Variants in C17orf107 observed in about 807,000 individuals in gnomAD.
C17orf107 encodes the protein uncharacterized protein C17orf107.
C17orf107 carries 9 observed loss-of-function variants against 8.9 expected under a neutral mutation model. That is an observed-to-expected ratio of 1.02 (90% CI 0.61 to 1.77). The LOEUF (loss-of-function observed/expected upper bound fraction) is 1.77, where lower values mean the gene tolerates loss of function less well. Among genes scored for constraint, C17orf107 ranks in the 40% most tolerant of loss-of-function variants. C17orf107 has a pLI of 0.00. For synonymous variants in C17orf107, 139 were observed against 120.3 expected, an observed-to-expected ratio of 1.16 and a Z score of -1.02; for missense variants, 281 against 249.0, an observed-to-expected ratio of 1.13 and a Z score of -0.86.
At position 4,900,470 on chromosome 17, in the gene C17orf107, G is replaced by A. The variant is rs184464124; in HGVS notation, c.510G>A (p.Ser170=). The change falls in exon 3 of 3, where the codon TCG becomes TCA. Residue 170 remains serine, a synonymous_variant. Coordinates refer to ENST00000381365, the MANE Select transcript of C17orf107 (RefSeq NM_001145536.2). ...GGTCTGCCTCATTCCTGCGACAGTCGCAACAGCAGCTAGGCCTCGGAATCC... is the reference window on the plus strand; with the variant it reads ...GGTCTGCCTCATTCCTGCGACAGTCACAACAGCAGCTAGGCCTCGGAATCC... The part of the protein sequence containing the change: ...LQGSASFLRQ[S]QQQLGLGIPG... The A allele has an allele frequency of 1.3e-5, 20 of 1,550,990 alleles. No individual in the cohort carries two copies. The highest frequency in any genetic ancestry group is 2.0e-5 in the Admixed American group (1 of 50,996).
chr17:4,900,667 C>CCA lies in C17orf107; in HGVS notation c.*136_*137dup. 6.9e-7 allele frequency: 1 copy of CCA among 1,441,624 alleles called. No homozygotes were observed. Among genetic ancestry groups the CCA allele is most frequent in the Non-Finnish European group, 9.5e-7 (1 of 1,056,140 alleles). 89.3% of individuals were successfully genotyped at this position (1,441,624 alleles called of 1,614,324 possible). On this transcript the variant is annotated 3_prime_UTR_variant, in exon 3 of 3. Coordinates refer to ENST00000381365, the MANE Select transcript of C17orf107 (RefSeq NM_001145536.2). ...CAGGGACTCCATCCCCGTACCAGCC[C>CCA]CACCCAGCGTCCGAATAAAGCCCAG...
chr17:4,902,926 A>G lies in C17orf107; in HGVS notation c.*2393A>G. The G allele has an allele frequency of 6.3e-7, 1 of 1,588,768 alleles. No homozygotes were observed. Among genetic ancestry groups the G allele is most frequent in the Non-Finnish European group, 8.6e-7 (1 of 1,157,464 alleles). ...TGCCTGGGAACGAAATACTGTGTCTAAGTCTCCATCTTGGTCTCTGTCTTT... is the reference window on the plus strand; with the variant it reads ...TGCCTGGGAACGAAATACTGTGTCTGAGTCTCCATCTTGGTCTCTGTCTTT... On this transcript the variant is annotated 3_prime_UTR_variant, in exon 3 of 3. Coordinates refer to ENST00000381365, the MANE Select transcript of C17orf107 (RefSeq NM_001145536.2). This position sits in a 1 kb window ranked among gnomAD's most constrained non-coding sequence, Gnocchi z 4.0.
chr17:4,903,362 G>C (rs1372816311), downstream of C17orf107, among the ~76,000 whole-genome samples: 1 of 152,184 alleles, frequency 6.6e-6, no homozygotes, highest in African/African-American at 2.4e-5. Context: ...CACAATTCTA[G>C]TAGCAGGGGG....
In C17orf107 at chr17:4,899,989, C is replaced by T; in HGVS notation, c.120C>T (p.Ala40=). ...CCCTGGAACTCTCCGTGGCCGCAGC[C>T]CATGAATATCTGGAGCAGAGGTTCA... is the stretch of plus-strand genomic sequence containing the variant. ...LSSLELSVAA[A]HEYLEQRFRE... is the part of the protein sequence containing the mutation. Residue 40 remains alanine, a synonymous_variant, in exon 2 of 3, where the codon GCC becomes GCT. Transcript: ENST00000381365. 6.4e-7 allele frequency: 1 copy of T among 1,551,552 alleles called. No homozygotes were observed. Among genetic ancestry groups the T allele is most frequent in the South Asian group, 1.2e-5 (1 of 84,058 alleles).
In C17orf107 at chr17:4,901,461, C is replaced by A. The variant is rs1969981867; in HGVS notation, c.*928C>A. On this transcript the variant is annotated 3_prime_UTR_variant, in exon 3 of 3. Transcript: ENST00000381365. ...TGTCGTTGGTCCGGGGCAAGCCCAC[C>A]GTGGAAGTCCCCTCTCTGGACCCCG... is the stretch of plus-strand genomic sequence containing the variant. The A allele has an allele frequency of 2.7e-6, 4 of 1,488,222 alleles. No homozygotes were observed. The highest frequency in any genetic ancestry group is 3.8e-6 in the Non-Finnish European group (4 of 1,065,938). The allele number at this position is 1,488,222 out of a possible 1,614,324, so 92.2% of individuals were successfully genotyped here. A position where few individuals can be genotyped will look rare whatever the true frequency, so the allele number is the denominator to read the frequency against.
rs1970009171 is a variant in C17orf107, at chr17:4,902,061, T to C, written c.*1528T>C. 6.2e-7 allele frequency: 1 copy of C among 1,614,050 alleles called. No homozygotes were observed. The highest frequency in any genetic ancestry group is 1.3e-5 in the African/African-American group (1 of 75,044). ...CTCGTAGACGAGCACGTTGGCGTCG[T>C]AGGCCACTCCGAACTGGCCATCAAT... On this transcript the variant is annotated 3_prime_UTR_variant, in exon 3 of 3. Transcript: ENST00000381365. The surrounding 1 kb of genome is among the most constrained non-coding windows in gnomAD (Gnocchi z 4.0).
At chr17:4,903,543 C>T (rs537737006), downstream of C17orf107, among the ~76,000 whole-genome samples, 26 of 152,240 alleles carry the variant, frequency 1.7e-4, no homozygotes, top group Middle Eastern at 3.4e-3. Flanking sequence ...TTCTTGCCGA[C>T]AGAGTGGCAA....
rs1228133214 is a variant in C17orf107, at chr17:4,900,905, C to T, written c.*372C>T. 4 of 1,614,034 alleles carry T rather than the reference C, an allele frequency of 2.5e-6. No individual in the cohort carries two copies. Among genetic ancestry groups the T allele is most frequent in the South Asian group, 2.2e-5 (2 of 91,092 alleles). ...ATGGAGACCGTGCATTTCTGGCCGC[C>T]GGCTGGAGGGAGAGCCAGTGAGAGC... On this transcript the variant is annotated 3_prime_UTR_variant, in exon 3 of 3. Transcript: ENST00000381365.
rs375828485 is a variant in C17orf107, at chr17:4,901,885, C to CA, written c.*1352_*1353insA. On this transcript the variant is annotated 3_prime_UTR_variant, in exon 3 of 3. Coordinates refer to ENST00000381365, the MANE Select transcript of C17orf107 (RefSeq NM_001145536.2). ...TCCCGGTTGGCCCCGCCCCATAAGG[C>CA]CCCCCCCCAACAATAATCGTCCGGG... 1 of 980,006 alleles carries CA rather than the reference C, an allele frequency of 1.0e-6. No individual in the cohort carries two copies. 60.7% of individuals were successfully genotyped at this position (980,006 alleles called of 1,614,324 possible). A position where few individuals can be genotyped will look rare whatever the true frequency, so the allele number is the denominator to read the frequency against.
downstream of C17orf107, chr17:4,903,138 G>C: frequency 6.8e-7 from 1 of 1,468,704 alleles, no homozygotes; most frequent in South Asian, 1.2e-5. Flanking sequence ...CCTGTGTGAG[G>C]GGGAGGAGGG....
In C17orf107 at chr17:4,899,643, C is replaced by T. The variant is rs1385649503; in HGVS notation, c.-120C>T. ...CCTCCCAGCTACCGAAGGCGCCGCG[C>T]GCTGACCTCACAAACACGGCTTCTC... On this transcript the variant is annotated 5_prime_UTR_variant, in exon 1 of 3. Transcript: ENST00000381365. 2.7e-6 allele frequency: 4 copies of T among 1,464,930 alleles called. No individual in the cohort carries two copies. In the African/African-American group the frequency reaches 4.2e-5, roughly 15 times the overall value. 90.7% of individuals were successfully genotyped at this position (1,464,930 alleles called of 1,614,324 possible).
Position 4,900,755 on chromosome 17 carries a change from T to C in C17orf107, c.*222T>C. 6.3e-7 allele frequency: 1 copy of C among 1,589,208 alleles called. No homozygotes were observed. The highest frequency in any genetic ancestry group is 8.6e-7 in the Non-Finnish European group (1 of 1,164,458). On this transcript the variant is annotated 3_prime_UTR_variant, in exon 3 of 3. Transcript: ENST00000381365. ...TGGGTTTTGGCCACGCCCCCACCCT[T>C]CACACTGGCCACACCCCCGCGGGGG... is the stretch of plus-strand genomic sequence containing the variant.
rs988348282 is a variant in C17orf107 at position 4,900,396 on chromosome 17, C to G, written c.436C>G (p.Leu146Val). 3 of 1,550,450 alleles carry G rather than the reference C, an allele frequency of 1.9e-6. No individual in the cohort carries two copies. In the South Asian group the frequency reaches 3.6e-5, roughly 18 times the overall value. The change falls in exon 3 of 3, where the codon CTC (leucine) becomes GTC (valine). Residue 146 changes from leucine (L) to valine (V), a missense_variant. By Grantham distance (32) the Leu-to-Val change is conservative. Coordinates refer to ENST00000381365, the MANE Select transcript of C17orf107 (RefSeq NM_001145536.2). ...AGAAVGASAR[L>V]LVQGAWLCLC... ...GGCTGCGGTGGGCGCCAGCGCCCGG[C>G]TCCTAGTCCAGGGAGCATGGCTATG...
In C17orf107 at chr17:4,901,991, G is replaced by A. The variant is rs779058823; in HGVS notation, c.*1458G>A. The A allele has an allele frequency of 3.7e-6, 6 of 1,614,120 alleles. No homozygotes were observed. The highest frequency in any genetic ancestry group is 3.3e-5 in the South Asian group (3 of 91,084). On this transcript the variant is annotated 3_prime_UTR_variant, in exon 3 of 3. Coordinates refer to ENST00000381365, the MANE Select transcript of C17orf107 (RefSeq NM_001145536.2). ...GGAAGTAGGTGACCTCCACTGCGCAGACGCTGCGGTAGATGGCCGGAGGCA... is the reference window on the plus strand; with the variant it reads ...GGAAGTAGGTGACCTCCACTGCGCAAACGCTGCGGTAGATGGCCGGAGGCA...
At chr17:4,905,466 G>C (rs75602583), downstream of C17orf107, among the ~76,000 whole-genome samples, 13,223 of 152,242 alleles carry the variant, frequency 0.087, 580 homozygotes, top group Non-Finnish European at 0.094. Context: ...TTAGGAGGCT[G>C]AGGCGGGAGG....
Position 4,902,015 on chromosome 17 carries a change from C to A in C17orf107, c.*1482C>A. The A allele has an allele frequency of 1.9e-6, 3 of 1,614,120 alleles. No individual in the cohort carries two copies. The highest frequency in any genetic ancestry group is 2.5e-6 in the Non-Finnish European group (3 of 1,180,038). ...AGACGCTGCGGTAGATGGCCGGAGG[C>A]AGCCACGTCACGGAGCCGCCCTCGT... On this transcript the variant is annotated 3_prime_UTR_variant, in exon 3 of 3. Transcript: ENST00000381365. This position sits in a 1 kb window ranked among gnomAD's most constrained non-coding sequence, Gnocchi z 4.0.
At position 4,901,357 on chromosome 17, in the gene C17orf107, A is replaced by C; in HGVS notation, c.*824A>C. 3.2e-6 allele frequency: 3 copies of C among 943,002 alleles called. No individual in the cohort carries two copies. The South Asian group carries it at 4.1e-5, about 13-fold the overall frequency. The allele number at this position is 943,002 out of a possible 1,614,324, so 58.4% of individuals were successfully genotyped here. On this transcript the variant is annotated 3_prime_UTR_variant, in exon 3 of 3. Transcript: ENST00000381365. The stretch of plus-strand genomic sequence containing the variant: ...TCTCGTTGAGGGTATGGAAAGCCAG[A>C]AGGCAGGACTAGAGTAACAATCGAG...
At chr17:4,906,203 G>C (rs1174149088), downstream of C17orf107, among the ~76,000 whole-genome samples, 1 of 152,158 alleles carries the variant, frequency 6.6e-6, no homozygotes, top group Non-Finnish European at 1.5e-5. Flanking sequence ...TGCCAACACT[G>C]AAGAAGGATC....
chr17:4,902,753 C>T lies in C17orf107; in HGVS notation c.*2220C>T, dbSNP rs750099799. 3 of 1,614,022 alleles carry T rather than the reference C, an allele frequency of 1.9e-6. No homozygotes were observed. Among genetic ancestry groups the T allele is most frequent in the African/African-American group, 1.3e-5 (1 of 74,974 alleles). On this transcript the variant is annotated 3_prime_UTR_variant, in exon 3 of 3. Coordinates refer to ENST00000381365, the MANE Select transcript of C17orf107 (RefSeq NM_001145536.2). The surrounding 1 kb of genome is among the most constrained non-coding windows in gnomAD (Gnocchi z 4.0). ...AAAGACGCAGTTCCTCGTTCTTCCC[C>T]ACACCCCTGCCTGCGATGGGGTCAA...
Sources: gnomAD v4.1 joint callset for allele counts (sites outside exome capture counted in the v4.1 genomes callset) on GRCh38, gnomAD v4.1.1 for gene constraint, Gnocchi (gnomAD v3.1) non-coding constraint, MANE v1.5 for transcripts, NCBI Gene and HGNC (gene_info 2026-07-23, HGNC 2026-07-21) for gene names.